DMRTC2: variants seen among roughly 807,000 people sequenced by gnomAD.
The protein encoded by DMRTC2 is DMRT like family C2.
Under a neutral mutation model 39.9 loss-of-function variants are expected in DMRTC2, and 13 were observed. That is an observed-to-expected ratio of 0.33 (90% CI 0.21 to 0.52). DMRTC2 has a LOEUF of 0.52. Ranked by LOEUF, DMRTC2 falls within the 20% of genes least tolerant of loss-of-function variation. The probability of loss-of-function intolerance (pLI) is 0.96; values close to 1 mark genes in which losing one functional copy is unlikely to be tolerated. For synonymous variants in DMRTC2, 189 were observed against 185.2 expected (o/e 1.02, Z -0.17); for missense variants, 431 against 472.8 (o/e 0.91, Z 0.82).
intron 3 of DMRTC2, among the ~76,000 whole-genome samples, chr19:41,848,141 A>T (rs2073894179): frequency 6.6e-6 from 1 of 152,148 alleles, no homozygotes. Context: ...AGGTCAAGAG[A>T]TCGAGACCAT....
In DMRTC2 at chr19:41,850,687, C is replaced by T; in HGVS notation, c.978C>T (p.Pro326=). Residue 326 remains proline (P), a synonymous_variant, in exon 8 of 9, where the codon CCC becomes CCT. Transcript: ENST00000269945. ...PNPAWISLLH[P]CGPPAPAGGR... ...CTGCCTGGATCTCCCTGCTTCACCC[C>T]TGTGGCCCACCAGGTGGGCCATGAA... 6.3e-7 allele frequency: 1 copy of T among 1,577,420 alleles called. No homozygotes were observed. The highest frequency in any genetic ancestry group is 8.6e-7 in the Non-Finnish European group (1 of 1,163,600).
intron 1 of DMRTC2, among the ~76,000 whole-genome samples, chr19:41,845,687 C>A (rs553770185): frequency 4.6e-5 from 7 of 152,212 alleles, no homozygotes; most frequent in African/African-American, 1.4e-4. Flanking sequence ...ATTAGACGGG[C>A]GTGGTGGCAC....
chr19:41,847,046 A>G (rs1242799901), intron 1 of DMRTC2, among the ~76,000 whole-genome samples: 1 of 151,738 alleles, frequency 6.6e-6, no homozygotes. Flanking sequence ...ATAGCCGGGC[A>G]TGGTGGCTCT....
At chr19:41,848,026 A>T in intron 3 of DMRTC2, 145 bp downstream of exon 3, 1 of 1,233,714 alleles carries the variant, frequency 8.1e-7, no homozygotes, top group South Asian at 1.6e-5. Flanking sequence ...CCCAGCGTTG[A>T]GAGAATGCAG....
chr19:41,850,942 C>G, intron 8 of DMRTC2: 1 of 465,324 alleles, frequency 2.1e-6, no homozygotes. Flanking sequence ...CTGAGAAAGG[C>G]AGGGACTTGC....
At position 41,849,327 on chromosome 19, in the gene DMRTC2, C is replaced by T. The variant is rs1173189449; in HGVS notation, c.755+71C>T. ...TGTGTCCAACCACAGTGCTGGTGTC[C>T]AACCACAGTGGATAATGAAGATGAA... is the stretch of plus-strand genomic sequence containing the variant. On this transcript the variant is annotated intron_variant, in intron 6 of 8. Coordinates refer to ENST00000269945, the MANE Select transcript of DMRTC2 (RefSeq NM_001040283.3). 2.5e-6 allele frequency: 4 copies of T among 1,570,768 alleles called. No homozygotes were observed. In the African/African-American group the frequency reaches 4.1e-5, roughly 16 times the overall value.
At position 41,847,877 on chromosome 19, in the gene DMRTC2, C is replaced by A. The variant is rs1555836388; in HGVS notation, c.366C>A (p.Val122=). The A allele has an allele frequency of 6.3e-7, 1 of 1,581,350 alleles. No homozygotes were observed. Among genetic ancestry groups the A allele is most frequent in the South Asian group, 1.1e-5 (1 of 87,062 alleles). The change falls in exon 3 of 9, where the codon GTC becomes GTA. Residue 122 remains valine (V), a synonymous_variant. Coordinates refer to ENST00000269945, the MANE Select transcript of DMRTC2 (RefSeq NM_001040283.3). ...HFRKGTTQPQ[V]PSGKENIAPQ... is the part of the protein sequence containing the mutation. Reference sequence around the variant, plus strand: ...GAAAGGGAACCACTCAGCCACAGGTCCCCTGTGAGTGTCTCTGACCAGCGA... The same window carrying A: ...GAAAGGGAACCACTCAGCCACAGGTACCCTGTGAGTGTCTCTGACCAGCGA...
rs1555837064 is a variant in DMRTC2 at position 41,850,388 on chromosome 19, TG to T, written c.816+19del. 2 of 1,539,412 alleles carry T rather than the reference TG, an allele frequency of 1.3e-6. No individual in the cohort carries two copies. The highest frequency in any genetic ancestry group is 1.4e-5 in the African/African-American group (1 of 72,020). Reference sequence around the variant, plus strand: ...ACAGCCACAGGTCCTGGGAAAGAAGTGGGATCTAGGGCCCTGGGAGGAGGTT... The same window carrying T: ...ACAGCCACAGGTCCTGGGAAAGAAGTGGATCTAGGGCCCTGGGAGGAGGTT... On this transcript the variant is annotated intron_variant, in intron 7 of 8. Transcript: ENST00000269945.
chr19:41,851,305 A>G, intron 8 of DMRTC2: 1 of 367,874 alleles, frequency 2.7e-6, no homozygotes, highest in Non-Finnish European at 4.9e-6. Flanking sequence ...TGCCAGGCTT[A>G]GGTGTCTAGA....
intron 6 of DMRTC2, among the ~76,000 whole-genome samples, chr19:41,849,554 G>GTTA (rs1389812270): frequency 1.3e-5 from 2 of 152,208 alleles, no homozygotes; most frequent in Non-Finnish European, 2.9e-5. Context: ...AATGGTAGCT[G>GTTA]TTATATCTGC....
At chr19:41,847,947 G>A (rs964393120) in intron 3 of DMRTC2, 66 bp downstream of exon 3, 13 of 1,512,502 alleles carry the variant, frequency 8.6e-6, no homozygotes, top group Middle Eastern at 3.5e-4. Context: ...GGAAAAAGAG[G>A]CCCAGTCCTG....
chr19:41,846,912 A>G (rs1555836032), intron 1 of DMRTC2, among the ~76,000 whole-genome samples: 1 of 150,460 alleles, frequency 6.6e-6, no homozygotes, highest in Non-Finnish European at 1.5e-5. Flanking sequence ...GCAGTGGCTC[A>G]TGGCTGTAAT....
chr19:41,848,738 A>C, intron 4 of DMRTC2, 57 bp from the exon 5 acceptor site: 5 of 1,606,132 alleles, frequency 3.1e-6, no homozygotes, highest in Non-Finnish European at 4.2e-6. Context: ...CCCAGAATAC[A>C]CTCAATCCTT....
At chr19:41,850,975 T>C (rs782459377) in intron 8 of DMRTC2, 1 of 373,780 alleles carries the variant, frequency 2.7e-6, no homozygotes, top group Non-Finnish European at 4.8e-6. Flanking sequence ...AGTGAGACAG[T>C]GGCAGGGAAC....
At chr19:41,850,062 A>G (rs760919613) in intron 6 of DMRTC2, among the ~76,000 whole-genome samples, 4 of 151,978 alleles carry the variant, frequency 2.6e-5, no homozygotes, top group Non-Finnish European at 5.9e-5. Flanking sequence ...CCTAGGTGAC[A>G]GAGCAAGAGC....
In DMRTC2 at chr19:41,850,698, C is replaced by A; in HGVS notation, c.989C>A (p.Pro330Gln). The change falls in exon 8 of 9, where the codon CCA becomes CAA. Residue 330 changes from proline to glutamine, a missense_variant and splice_region_variant. Coordinates refer to ENST00000269945, the MANE Select transcript of DMRTC2 (RefSeq NM_001040283.3). The stretch of plus-strand genomic sequence containing the variant: ...TCCCTGCTTCACCCCTGTGGCCCAC[C>A]AGGTGGGCCATGAAAGGAGAGGATG... Reference protein sequence around the residue: ...WISLLHPCGPPAPAGGRGFQP... With the variant: ...WISLLHPCGPQAPAGGRGFQP... The A allele has an allele frequency of 6.4e-7, 1 of 1,566,444 alleles. No homozygotes were observed. Among genetic ancestry groups the A allele is most frequent in the South Asian group, 1.2e-5 (1 of 85,196 alleles).
intron 8 of DMRTC2, 109 bp downstream of exon 8, chr19:41,850,809 A>G (rs1856663274): frequency 1.6e-6 from 2 of 1,215,356 alleles, no homozygotes; most frequent in South Asian, 1.7e-5. Flanking sequence ...GAACGTCTTC[A>G]GGCCCAGGAC....
intron 1 of DMRTC2, among the ~76,000 whole-genome samples, chr19:41,846,342 G>T (rs2073843184): frequency 1.3e-5 from 2 of 152,152 alleles, no homozygotes; most frequent in Non-Finnish European, 2.9e-5. Context: ...GAGGACATGA[G>T]TAGGTTGGAA....
chr19:41,850,872 AT>A, intron 8 of DMRTC2, 172 bp downstream of exon 8: 1 of 631,694 alleles, frequency 1.6e-6, no homozygotes, highest in South Asian at 2.8e-5. Context: ...TATTCAGTGA[AT>A]CCTTTTTATC....
Sources: allele counts gnomAD v4.1 joint callset (sites outside exome capture counted in the v4.1 genomes callset), GRCh38; gene constraint gnomAD v4.1.1; transcripts MANE v1.5; gene names NCBI Gene and HGNC (gene_info 2026-07-23, HGNC 2026-07-21).